The following SLC4A10 variants were observed in gnomAD, a reference collection of about 807,000 sequenced individuals.
The protein encoded by SLC4A10 is solute carrier family 4 member 10.
A neutral mutation model predicts 137.7 loss-of-function variants in SLC4A10; 42 were observed. The observed-to-expected ratio is 0.30, with a 90% CI of 0.24 to 0.39. The LOEUF is 0.39. SLC4A10 is among the 10% of genes least tolerant of loss of function. The pLI is 1.00. For synonymous variants in SLC4A10, 474 were observed against 464.1 expected (o/e 1.02, Z -0.27); for missense variants, 925 against 1,355.0 (o/e 0.68, Z 4.98).
chr2:161,674,283 T>C (rs1352251131), intron 1 of SLC4A10, among the ~76,000 whole-genome samples: 1 of 152,162 alleles, frequency 6.6e-6, no homozygotes, highest in Admixed American at 6.6e-5. Flanking sequence ...CATCTGTAAA[T>C]GGGATAAAAA....
chr2:161,894,165 G>A (rs1261376108), intron 10 of SLC4A10, among the ~76,000 whole-genome samples: 1 of 151,786 alleles, frequency 6.6e-6, no homozygotes, highest in African/African-American at 2.4e-5. Context: ...AGGGAATCCT[G>A]GAACCAATCC....
intron 15 of SLC4A10, among the ~76,000 whole-genome samples, chr2:161,917,521 C>CTGTGAT (rs1000681882): frequency 2.0e-5 from 3 of 149,864 alleles, no homozygotes; most frequent in Non-Finnish European, 3.0e-5. Flanking sequence ...CTGCAGTGAG[C>CTGTGAT]TGTGATTGCA....
At chr2:161,767,014 T>C (rs968900633) in intron 1 of SLC4A10, among the ~76,000 whole-genome samples, 3 of 148,418 alleles carry the variant, frequency 2.0e-5, no homozygotes, top group African/African-American at 7.4e-5. Flanking sequence ...AATGTATCTA[T>C]AATCCTTTAC....
At chr2:161,806,978 A>T (rs529707761) in intron 3 of SLC4A10, among the ~76,000 whole-genome samples, 93 of 152,310 alleles carry the variant, frequency 6.1e-4, no homozygotes, top group African/African-American at 2.2e-3. Context: ...GTTTAATTGG[A>T]CTTACAGTTC....
At chr2:161,661,226 G>A (rs1178680511) in intron 1 of SLC4A10, among the ~76,000 whole-genome samples, 1 of 152,096 alleles carries the variant, frequency 6.6e-6, no homozygotes, top group Non-Finnish European at 1.5e-5. Flanking sequence ...TGTAATCCCA[G>A]CACTTTGGGA....
At position 161,949,253 on chromosome 2, in the gene SLC4A10, G is replaced by C. The variant is rs967086666; in HGVS notation, c.2371G>C (p.Val791Leu). 2 of 1,595,534 alleles carry C rather than the reference G, an allele frequency of 1.3e-6. No homozygotes were observed. Among genetic ancestry groups the C allele is most frequent in the African/African-American group, 2.7e-5 (2 of 74,396 alleles). Residue 791 changes from valine (V) to leucine (L), a missense_variant, in exon 18 of 27, where the codon GTT becomes CTT. Transcript: ENST00000446997. ...IPSPKLQVPSVFKPTRDDRGW... is the reference protein window; with the variant it reads ...IPSPKLQVPSLFKPTRDDRGW... ...ATCTCCAAAACTACAAGTACCAAGT[G>C]TTTTCAAGGTACTTACTATCTCTCT...
intron 1 of SLC4A10, among the ~76,000 whole-genome samples, chr2:161,635,706 G>A (rs1462494505): frequency 2.0e-5 from 3 of 152,104 alleles, no homozygotes; most frequent in Admixed American, 6.6e-5. Flanking sequence ...CACTGTTTTA[G>A]TTGAAAGTTT....
chr2:161,914,125 C>G (rs1369662262), intron 15 of SLC4A10, among the ~76,000 whole-genome samples: 1 of 152,070 alleles, frequency 6.6e-6, no homozygotes, highest in South Asian at 2.1e-4. Context: ...ATGTATAGAC[C>G]TAGCCAAATT....
At chr2:161,710,789 A>C in intron 1 of SLC4A10, 1 of 448,254 alleles carries the variant, frequency 2.2e-6, no homozygotes, top group Non-Finnish European at 4.5e-6. Flanking sequence ...TAATTCTTCA[A>C]TTCAGTAAAC....
chr2:161,858,001 T>A (rs1427625467), intron 5 of SLC4A10, among the ~76,000 whole-genome samples: 2 of 152,186 alleles, frequency 1.3e-5, no homozygotes, highest in African/African-American at 4.8e-5. Flanking sequence ...CATGAGTCAC[T>A]GTGCCCAACC....
At chr2:161,939,296 C>T (rs769765964) in intron 15 of SLC4A10, among the ~76,000 whole-genome samples, 19 of 152,076 alleles carry the variant, frequency 1.2e-4, no homozygotes, top group Admixed American at 3.3e-4. Flanking sequence ...AGGATGGTCT[C>T]GATCTCTTGA....
At chr2:161,698,329 G>T (rs559328574) in intron 1 of SLC4A10, among the ~76,000 whole-genome samples, 1 of 152,108 alleles carries the variant, frequency 6.6e-6, no homozygotes, top group East Asian at 1.9e-4. Context: ...CCTGGCCAGA[G>T]CTTCCAACAC....
At chr2:161,759,476 C>A (rs1474133313) in intron 1 of SLC4A10, among the ~76,000 whole-genome samples, 1 of 151,906 alleles carries the variant, frequency 6.6e-6, no homozygotes, top group African/African-American at 2.4e-5. Context: ...CCAATATCTC[C>A]CCATTTCTGC....
intron 1 of SLC4A10, among the ~76,000 whole-genome samples, chr2:161,673,375 T>C (rs951176291): frequency 1.3e-5 from 2 of 152,156 alleles, no homozygotes; most frequent in African/African-American, 2.4e-5. Flanking sequence ...TGAGTGAAAT[T>C]GTAATCATGG....
At chr2:161,749,591 T>C (rs1178006702) in intron 1 of SLC4A10, among the ~76,000 whole-genome samples, 1 of 151,988 alleles carries the variant, frequency 6.6e-6, no homozygotes, top group East Asian at 1.9e-4. Context: ...CACCCTTGCA[T>C]CCCCAGGATA....
chr2:161,708,965 A>T (rs1427750213), intron 1 of SLC4A10: 1 of 1,023,500 alleles, frequency 9.8e-7, no homozygotes, highest in African/African-American at 1.6e-5. Context: ...AACAAGTAAG[A>T]TTTATGGCAG....
Position 161,637,107 on chromosome 2 carries a change from T to A in SLC4A10, c.48+12541T>A, listed in dbSNP as rs373841306. Among the ~76,000 whole-genome samples, 11 of 124,738 alleles carry A rather than the reference T, an allele frequency of 8.8e-5. 1 individual carries two copies. The highest frequency in any genetic ancestry group is 7.9e-4 in the East Asian group (3 of 3,800). 81.8% of individuals were successfully genotyped at this position (124,738 alleles called of 152,430 possible). A position where few individuals can be genotyped will look rare whatever the true frequency, so the allele number is the denominator to read the frequency against. ...TATATACATATACGTATATACGTATTTATGTATATATATCTATATACATAA... is the reference window on the plus strand; with the variant it reads ...TATATACATATACGTATATACGTATATATGTATATATATCTATATACATAA... On this transcript the variant is annotated intron_variant, in intron 1 of 26. Coordinates refer to ENST00000446997, the MANE Select transcript of SLC4A10 (RefSeq NM_001178015.2).
rs532194322 is a variant in SLC4A10 at position 161,805,924 on chromosome 2, C to T, written c.277+1329C>T. ...GTGGGGGCTGTAACCCCACATTTCC[C>T]TTCTGCACTGCCCTAGCAGAGGTTC... On this transcript the variant is annotated intron_variant, in intron 3 of 26. Coordinates refer to ENST00000446997, the MANE Select transcript of SLC4A10 (RefSeq NM_001178015.2). Among the ~76,000 whole-genome samples the T allele has an allele frequency of 8.5e-5, 13 of 152,338 alleles. No individual in the cohort carries two copies. The South Asian group carries it at 2.7e-3, about 32-fold the overall frequency.
intron 15 of SLC4A10, among the ~76,000 whole-genome samples, chr2:161,936,319 C>T (rs1057388885): frequency 2.0e-5 from 3 of 152,078 alleles, no homozygotes; most frequent in Non-Finnish European, 2.9e-5. Context: ...ATGTACTTCT[C>T]TTCTTCAATT....
Sources: allele counts gnomAD v4.1 joint callset (sites outside exome capture counted in the v4.1 genomes callset), GRCh38; gene constraint gnomAD v4.1.1; transcripts MANE v1.5; gene names NCBI Gene and HGNC (gene_info 2026-07-23, HGNC 2026-07-21).